Variants in NIN observed in about 807,000 individuals in gnomAD.
NIN encodes the protein glycogen synthase kinase 3 beta-interacting protein.
NIN carries 137 observed loss-of-function variants against 257.6 expected under a neutral mutation model. That is an observed-to-expected ratio of 0.53 (90% CI 0.46 to 0.61). The LOEUF is 0.61. Ranked by LOEUF, NIN falls within the 20% of genes least tolerant of loss-of-function variation. NIN has a pLI of 0.00. For missense variants in NIN, 2,439 were observed against 2,501.2 expected, an observed-to-expected ratio of 0.98 and a Z score of 0.53; for synonymous variants, 918 against 919.8, an observed-to-expected ratio of 1.00 and a Z score of 0.04.
chr14:50,727,669 C>T, intron 29 of NIN: 1 of 1,441,844 alleles, frequency 6.9e-7, no homozygotes, highest in Non-Finnish European at 9.4e-7. Context: ...TAAGAAATGC[C>T]ATCAATAGCA....
intron 20 of NIN, among the ~76,000 whole-genome samples, chr14:50,753,880 T>C (rs957934962): frequency 6.6e-6 from 1 of 152,160 alleles, no homozygotes; most frequent in Non-Finnish European, 1.5e-5. Context: ...TCTTTTGTAT[T>C]CTTTTTTTTT....
chr14:50,797,120 T>C (rs769536246), intron 4 of NIN, among the ~76,000 whole-genome samples: 7 of 152,232 alleles, frequency 4.6e-5, no homozygotes, highest in South Asian at 2.1e-4. Context: ...TGCTCCCCAG[T>C]GTTAGGCAGA....
In NIN at chr14:50,771,417, C is replaced by G; in HGVS notation, c.1033G>C (p.Ala345Pro). The part of the protein sequence containing the change: ...GNINLTELTL[A>P]LENELLVTKN... ...GTAACCAAAAGTTCATTTTCAAGGG[C>G]CAGTGTTAATTCTGTCAAATTGATG... is the stretch of plus-strand genomic sequence containing the variant. The change falls in exon 10 of 31, where the codon GCC becomes CCC. Residue 345 changes from alanine to proline, a missense_variant. Physicochemically the swap from Ala to Pro is conservative, Grantham distance 27. Transcript: ENST00000530997. The G allele has an allele frequency of 6.2e-7, 1 of 1,614,106 alleles. No homozygotes were observed. The highest frequency in any genetic ancestry group is 8.5e-7 in the Non-Finnish European group (1 of 1,180,010).
At chr14:50,731,356 C>T (rs1251673678) in intron 28 of NIN, among the ~76,000 whole-genome samples, 1 of 151,486 alleles carries the variant, frequency 6.6e-6, no homozygotes, top group Non-Finnish European at 1.5e-5. Context: ...GTGGTGAAAC[C>T]CCGTCTCTAC....
At chr14:50,767,379 G>A (rs1391722405) in intron 12 of NIN, among the ~76,000 whole-genome samples, 4 of 152,112 alleles carry the variant, frequency 2.6e-5, no homozygotes, top group Non-Finnish European at 4.4e-5. Context: ...TTATAATGCA[G>A]GCCACGTATG....
rs722797 is a variant in NIN, at chr14:50,743,215, T to C, written c.5301+201A>G. ...GAACTCCTGACCTCAAGTGATCTGC[T>C]CACCTCGGCCTCCCAAAGTGCTGGT... On this transcript the variant is annotated intron_variant, in intron 24 of 30. Coordinates refer to ENST00000530997, the MANE Select transcript of NIN (RefSeq NM_020921.4). Among the ~76,000 whole-genome samples the C allele has an allele frequency of 0.79, 120,119 of 151,826 alleles. 48,114 individuals are homozygous for C. The highest frequency in any genetic ancestry group is 0.91 in the African/African-American group (37,838 of 41,438).
intron 29 of NIN, 162 bp from the exon 30 acceptor site, chr14:50,726,228 G>C (rs1566771521): frequency 1.7e-6 from 1 of 583,478 alleles, no homozygotes; most frequent in Non-Finnish European, 3.0e-6. Context: ...TGCATGGATT[G>C]CATATGTCAG....
At chr14:50,773,611 T>C (rs1185888639) in intron 7 of NIN, among the ~76,000 whole-genome samples, 3 of 152,244 alleles carry the variant, frequency 2.0e-5, no homozygotes, top group Non-Finnish European at 4.4e-5. Context: ...AGATTTGGAA[T>C]CTGAAATCCA....
rs1457140998 is a variant in NIN, at chr14:50,819,530, T to C, written c.183+2344A>G. ...GTGTGTCTCTCATCTTCTCATTCTC[T>C]CTCACCTTCCACCATGATTGTGAGG... On this transcript the variant is annotated intron_variant, in intron 3 of 30. Transcript: ENST00000530997. 3.3e-5 allele frequency among the ~76,000 whole-genome samples: 5 copies of C among 152,332 alleles called. No homozygotes were observed. The East Asian group carries it at 9.6e-4, about 29-fold the overall frequency.
intron 15 of NIN, 127 bp downstream of exon 15, chr14:50,763,699 A>T: frequency 2.6e-6 from 2 of 765,834 alleles, no homozygotes; most frequent in Non-Finnish European, 4.0e-6. Flanking sequence ...TCAAGAAAAG[A>T]GTATGGCCAA....
At chr14:50,787,749 C>T (rs1566847141) in intron 5 of NIN, among the ~76,000 whole-genome samples, 1 of 152,216 alleles carries the variant, frequency 6.6e-6, no homozygotes, top group Non-Finnish European at 1.5e-5. Context: ...GTGGGACCTA[C>T]CTGTCACTTA....
chr14:50,776,948 C>A lies in NIN; in HGVS notation c.666+1G>T. 4 of 1,609,920 alleles carry A rather than the reference C, an allele frequency of 2.5e-6. No individual in the cohort carries two copies. Among genetic ancestry groups the A allele is most frequent in the Non-Finnish European group, 3.4e-6 (4 of 1,178,118 alleles). On this transcript the variant is annotated splice_donor_variant, in intron 7 of 30. Transcript: ENST00000530997. LOFTEE classifies it high-confidence loss of function. ...TTCCTGAATTATACTGCGAGGCTTA[C>A]CTCTCCATCCACATTCTGTAAACCA...
Position 50,757,143 on chromosome 14 carries a change from T to C in NIN, c.3887A>G (p.Lys1296Arg). 1.9e-6 allele frequency: 3 copies of C among 1,612,608 alleles called. No individual in the cohort carries two copies. The highest frequency in any genetic ancestry group is 2.5e-6 in the Non-Finnish European group (3 of 1,179,574). The change falls in exon 18 of 31, where the codon AAA becomes AGA. Residue 1296 changes from lysine (K) to arginine (R), a missense_variant. Transcript: ENST00000530997. ...GAATGTTTCAGTGACTTCCTCCATTTTCTTCAGCTCATCCTGCAACCTGAA... is the reference window on the plus strand; with the variant it reads ...GAATGTTTCAGTGACTTCCTCCATTCTCTTCAGCTCATCCTGCAACCTGAA... ...EVFRLQDELK[K>R]MEEVTETFLS...
intron 3 of NIN, among the ~76,000 whole-genome samples, chr14:50,814,435 G>A (rs2044784377): frequency 6.6e-6 from 1 of 152,180 alleles, no homozygotes; most frequent in African/African-American, 2.4e-5. Flanking sequence ...GCTATGATAA[G>A]CCTTTGATAC....
At position 50,760,246 on chromosome 14, in the gene NIN, A is replaced by ACTTATTTGTTTTT; in HGVS notation, c.1997_2009dup (p.Ser670ArgfsTer6). On this transcript the variant is annotated frameshift_variant, in exon 17 of 31. Coordinates refer to ENST00000530997, the MANE Select transcript of NIN (RefSeq NM_020921.4). LOFTEE classifies it high-confidence loss of function. ...GTTCAGCAATTTCATTTTTAAGGTC[A>ACTTATTTGTTTTT]CTTATTTGTTTTTCTAAGGTGTGCG... is the stretch of plus-strand genomic sequence containing the variant. 2 of 1,612,588 alleles carry ACTTATTTGTTTTT rather than the reference A, an allele frequency of 1.2e-6. No homozygotes were observed. The highest frequency in any genetic ancestry group is 1.7e-6 in the Non-Finnish European group (2 of 1,179,938).
intron 3 of NIN, among the ~76,000 whole-genome samples, chr14:50,819,391 GT>G (rs2045089918): frequency 6.6e-6 from 1 of 152,196 alleles, no homozygotes; most frequent in South Asian, 2.1e-4. Flanking sequence ...TGTGGGGGTA[GT>G]TTCCCCCATA....
At chr14:50,745,101 C>A (rs1169642825) in intron 22 of NIN, among the ~76,000 whole-genome samples, 1 of 152,128 alleles carries the variant, frequency 6.6e-6, no homozygotes, top group Non-Finnish European at 1.5e-5. Context: ...CTGGCTTTTC[C>A]TCTCCACTTC....
intron 13 of NIN, 132 bp downstream of exon 13, chr14:50,766,648 A>G: frequency 1.5e-6 from 1 of 678,204 alleles, no homozygotes; most frequent in Non-Finnish European, 2.6e-6. Context: ...ATATCCCTAC[A>G]AAAGTTAGAG....
intron 29 of NIN, chr14:50,727,317 C>T: frequency 1.0e-6 from 1 of 985,714 alleles, no homozygotes; most frequent in Non-Finnish European, 1.2e-6. Context: ...TATAAATACC[C>T]CTGGTTTTCT....
Sources: gnomAD v4.1 joint callset for allele counts (sites outside exome capture counted in the v4.1 genomes callset) on GRCh38, gnomAD v4.1.1 for gene constraint, MANE v1.5 for transcripts, NCBI Gene and HGNC (gene_info 2026-07-23, HGNC 2026-07-21) for gene names.